PM20D1: variants seen among roughly 807,000 people sequenced by gnomAD.
PM20D1 encodes N-fatty-acyl-amino acid synthase/hydrolase PM20D1.
Under a neutral mutation model 53.8 loss-of-function variants are expected in PM20D1, and 53 were observed. That is an observed-to-expected ratio of 0.98 (90% CI 0.79 to 1.24). The LOEUF (loss-of-function observed/expected upper bound fraction) is 1.24. PM20D1 is among the 50% of genes most tolerant of loss of function. PM20D1 has a pLI of 0.00. For missense variants in PM20D1, 564 were observed against 616.8 expected (o/e 0.91, Z 0.91); for synonymous variants, 239 against 241.3 (o/e 0.99, Z 0.09).
At position 205,843,789 on chromosome 1, in the gene PM20D1, G is replaced by A; in HGVS notation, c.708-3C>T. 1 of 1,613,160 alleles carries A rather than the reference G, an allele frequency of 6.2e-7. No homozygotes were observed. The highest frequency in any genetic ancestry group is 8.5e-7 in the Non-Finnish European group (1 of 1,179,610). On this transcript the variant is annotated splice_region_variant and splice_polypyrimidine_tract_variant and intron_variant, in intron 5 of 12. Coordinates refer to ENST00000367136, the MANE Select transcript of PM20D1 (RefSeq NM_152491.5). ...AACCCTTCTCTGAGACTGCAATCCT[G>A]TAGAAGAGGATCGGAAACCACTCTC... is the stretch of plus-strand genomic sequence containing the variant.
At chr1:205,834,029 G>A (rs543309522) in intron 10 of PM20D1, among the ~76,000 whole-genome samples, 2 of 151,754 alleles carry the variant, frequency 1.3e-5, no homozygotes, top group African/African-American at 4.8e-5. Flanking sequence ...TGTATTTTTA[G>A]TAGAGACTGG....
chr1:205,836,813 T>C lies in PM20D1; in HGVS notation c.1116+3439A>G, dbSNP rs143771543. ...CCACTATGCCTGGCCCTGCCTCTCC[T>C]TTTTTTGACAATGAATATACTCCAC... On this transcript the variant is annotated intron_variant, in intron 10 of 12. Coordinates refer to ENST00000367136, the MANE Select transcript of PM20D1 (RefSeq NM_152491.5). Among the ~76,000 whole-genome samples the C allele has an allele frequency of 2.8e-3, 424 of 152,316 alleles. 1 individual carries two copies. Among genetic ancestry groups the C allele is most frequent in the African/African-American group, 9.2e-3 (384 of 41,556 alleles).
Position 205,840,317 on chromosome 1 carries a change from C to T in PM20D1, c.1051G>A (p.Val351Ile). ...GTGGCCTGGGCCACTGGGGGGATGA[C>T]ATTGAACTAGAGAGAGAAGCACAAA... ...TIFKAGVKFN[V>I]IPPVAQATVN... is the part of the protein sequence containing the mutation. The change falls in exon 10 of 13, where the codon GTC becomes ATC. Residue 351 changes from valine (V) to isoleucine (I), a missense_variant. By Grantham distance (29) the Val-to-Ile change is conservative. Transcript: ENST00000367136. The T allele has an allele frequency of 6.2e-7, 1 of 1,613,586 alleles. No homozygotes were observed. Among genetic ancestry groups the T allele is most frequent in the Non-Finnish European group, 8.5e-7 (1 of 1,179,718 alleles).
chr1:205,830,300 T>C lies in PM20D1; in HGVS notation c.1365A>G (p.Ile455Met). ...CTCACCGTTTGAAGTCTTCAGGCTGTATGTAGATGGGGTAGAACCTGTAGA... is the reference window on the plus strand; with the variant it reads ...CTCACCGTTTGAAGTCTTCAGGCTGCATGTAGATGGGGTAGAACCTGTAGA... ...TGIYRFYPIY[I>M]QPEDFKRIHG... The change falls in exon 12 of 13, where the codon ATA becomes ATG. Residue 455 changes from isoleucine to methionine, a missense_variant. Coordinates refer to ENST00000367136, the MANE Select transcript of PM20D1 (RefSeq NM_152491.5). The C allele has an allele frequency of 6.2e-7, 1 of 1,608,518 alleles. No homozygotes were observed. Among genetic ancestry groups the C allele is most frequent in the Non-Finnish European group, 8.5e-7 (1 of 1,174,904 alleles).
Position 205,830,352 on chromosome 1 carries a change from C to T in PM20D1, c.1313G>A (p.Arg438Gln), listed in dbSNP as rs775490218. ...GCCAGTGGTGAGGTTTGTAAAGAAT[C>T]GGCTGTCTGTGTTGCCAATAGAAGT... ...PVTSIGNTDS[R>Q]FFTNLTTGIY... The change falls in exon 12 of 13, where the codon CGA (arginine) becomes CAA (glutamine). Residue 438 changes from arginine to glutamine, a missense_variant. Arg to Gln is a conservative substitution (Grantham distance 43). Transcript: ENST00000367136. 36 of 1,612,236 alleles carry T rather than the reference C, an allele frequency of 2.2e-5. No homozygotes were observed. In the Middle Eastern group the frequency reaches 4.9e-4, roughly 22 times the overall value.
chr1:205,848,993 C>CTAAT (rs1657067464), intron 1 of PM20D1, among the ~76,000 whole-genome samples: 1 of 152,190 alleles, frequency 6.6e-6, no homozygotes, highest in Admixed American at 6.5e-5. Context: ...GAGTGGCTGT[C>CTAAT]TAATGCCTTT....
At chr1:205,841,423 C>A (rs1003853166) in intron 9 of PM20D1, among the ~76,000 whole-genome samples, 1 of 152,070 alleles carries the variant, frequency 6.6e-6, no homozygotes, top group African/African-American at 2.4e-5. Flanking sequence ...ACAAAGTATC[C>A]TGGGGAGATG....
chr1:205,847,953 G>A lies in PM20D1; in HGVS notation c.188C>T (p.Thr63Ile). Reference protein sequence around the residue: ...EALKGAIQIPTVTFSSEKSNT... With the variant: ...EALKGAIQIPIVTFSSEKSNT... ...GGACTTCTCAGAGCTAAAAGTCACT[G>A]TTGGAATCTGGATGGCACCTGTCAG... Residue 63 changes from threonine to isoleucine, a missense_variant, in exon 2 of 13, where the codon ACA becomes ATA. Coordinates refer to ENST00000367136, the MANE Select transcript of PM20D1 (RefSeq NM_152491.5). 6.3e-7 allele frequency: 1 copy of A among 1,598,654 alleles called. No individual in the cohort carries two copies. The highest frequency in any genetic ancestry group is 8.5e-7 in the Non-Finnish European group (1 of 1,172,524).
At chr1:205,835,780 G>A (rs772999304) in intron 10 of PM20D1, among the ~76,000 whole-genome samples, 8 of 152,106 alleles carry the variant, frequency 5.3e-5, no homozygotes, top group Non-Finnish European at 1.2e-4. Context: ...GGCAAGAATC[G>A]GAGGTACAAG....
In PM20D1 at chr1:205,832,802, T is replaced by C. The variant is rs544485325; in HGVS notation, c.1117-36A>G. ...GAAACAAAGGGGGTTCGATTTCTTATTGATTTCTATACATGTACAATATGG... is the reference window on the plus strand; with the variant it reads ...GAAACAAAGGGGGTTCGATTTCTTACTGATTTCTATACATGTACAATATGG... On this transcript the variant is annotated intron_variant, in intron 10 of 12. Coordinates refer to ENST00000367136, the MANE Select transcript of PM20D1 (RefSeq NM_152491.5). The C allele has an allele frequency of 9.8e-6, 15 of 1,528,672 alleles. No homozygotes were observed. In the Admixed American group the frequency reaches 1.7e-4, roughly 17 times the overall value. The allele number at this position is 1,528,672 out of a possible 1,614,324, so 94.7% of individuals were successfully genotyped here.
chr1:205,832,294 C>T (rs1318684749), intron 11 of PM20D1, among the ~76,000 whole-genome samples: 3 of 152,134 alleles, frequency 2.0e-5, no homozygotes, highest in African/African-American at 7.2e-5. Context: ...AAGATCTTGG[C>T]CCCTTCTGTG....
chr1:205,837,536 T>G (rs1169982249), intron 10 of PM20D1, among the ~76,000 whole-genome samples: 2 of 152,238 alleles, frequency 1.3e-5, no homozygotes, highest in East Asian at 3.8e-4. Flanking sequence ...CCTGTGTTCC[T>G]GCTGGATCCA....
rs1418811153 is a variant in PM20D1, at chr1:205,842,152, A to T, written c.965+2T>A. On this transcript the variant is annotated splice_donor_variant, in intron 8 of 12. Coordinates refer to ENST00000367136, the MANE Select transcript of PM20D1 (RefSeq NM_152491.5). LOFTEE classifies it high-confidence loss of function. ...GTGAAAAAAGGAAAGATAATACTTT[A>T]CCTGCTTATAAGTGGTTCAAATAGC... 1.9e-6 allele frequency: 3 copies of T among 1,608,212 alleles called. No homozygotes were observed. Among genetic ancestry groups the T allele is most frequent in the Non-Finnish European group, 2.6e-6 (3 of 1,174,734 alleles).
In PM20D1 at chr1:205,845,307, G is replaced by A; in HGVS notation, c.489+18C>T. The stretch of plus-strand genomic sequence containing the variant: ...GATCTTTAGGGCCCCAAGGCAGAGG[G>A]AACATTGCATCTCAGACCATCACAG... On this transcript the variant is annotated intron_variant, in intron 3 of 12. Coordinates refer to ENST00000367136, the MANE Select transcript of PM20D1 (RefSeq NM_152491.5). The A allele has an allele frequency of 3.1e-6, 5 of 1,608,370 alleles. No homozygotes were observed. Among genetic ancestry groups the A allele is most frequent in the Non-Finnish European group, 4.3e-6 (5 of 1,174,752 alleles).
intron 7 of PM20D1, 88 bp downstream of exon 7, chr1:205,842,588 C>A: frequency 2.3e-6 from 3 of 1,307,042 alleles, no homozygotes. Context: ...CTGGACAGTA[C>A]TAGGGTCCTT....
intron 5 of PM20D1, 61 bp from the exon 6 acceptor site, chr1:205,843,847 G>A (rs1184234877): frequency 5.7e-6 from 9 of 1,584,120 alleles, no homozygotes; most frequent in Middle Eastern, 1.7e-4. Flanking sequence ...TCTCCCATAG[G>A]CCCATAGGTC....
chr1:205,839,366 T>C (rs1656752613), intron 10 of PM20D1, among the ~76,000 whole-genome samples: 1 of 152,234 alleles, frequency 6.6e-6, no homozygotes, highest in East Asian at 1.9e-4. Flanking sequence ...TGTTCACCTC[T>C]AATTTTTATA....
chr1:205,845,807 G>T (rs909384711), intron 2 of PM20D1, among the ~76,000 whole-genome samples: 5 of 152,226 alleles, frequency 3.3e-5, no homozygotes. Flanking sequence ...TTAAGGCCAG[G>T]CTTGGGGGCT....
At position 205,844,086 on chromosome 1, in the gene PM20D1, C is replaced by A. The variant is rs757136245; in HGVS notation, c.707+1G>T. The A allele has an allele frequency of 6.2e-7, 1 of 1,608,594 alleles. No homozygotes were observed. The highest frequency in any genetic ancestry group is 1.1e-5 in the South Asian group (1 of 90,136). On this transcript the variant is annotated splice_donor_variant, in intron 5 of 12. Coordinates refer to ENST00000367136, the MANE Select transcript of PM20D1 (RefSeq NM_152491.5). LOFTEE classifies it high-confidence loss of function. ...GGTGTGGGGTGGGATGCTTTACTCACAAGGCGATGGGCTTCTTGAAGTTAG... is the reference window on the plus strand; with the variant it reads ...GGTGTGGGGTGGGATGCTTTACTCAAAAGGCGATGGGCTTCTTGAAGTTAG...
Sources: allele counts gnomAD v4.1 joint callset (sites outside exome capture counted in the v4.1 genomes callset), GRCh38; gene constraint gnomAD v4.1.1; transcripts MANE v1.5; gene names NCBI Gene and HGNC (gene_info 2026-07-23, HGNC 2026-07-21).